NPC1: variants seen among roughly 807,000 people sequenced by gnomAD.
NPC1 encodes the protein NPC intracellular cholesterol transporter 1, also known as Niemann-Pick C1 protein.
NPC1 carries 85 observed loss-of-function variants against 140.4 expected under a neutral mutation model. The ratio of observed to expected loss-of-function variants is 0.61; its 90% CI spans 0.51 to 0.72. The LOEUF (loss-of-function observed/expected upper bound fraction) is 0.72, where lower values mean the gene tolerates loss of function less well. Among genes scored for constraint, NPC1 ranks in the 30% least tolerant of loss-of-function variants. NPC1 has a pLI of 0.00. For synonymous variants in NPC1, 656 were observed against 624.8 expected (o/e 1.05, Z -0.74); for missense variants, 1,504 against 1,623.8 (o/e 0.93, Z 1.27).
intron 1 of NPC1, chr18:23,524,053 G>T: frequency 7.1e-7 from 1 of 1,412,392 alleles, no homozygotes; most frequent in South Asian, 1.2e-5. Flanking sequence ...AAAAAGTATT[G>T]ACTTTTGTGT....
Position 23,556,571 on chromosome 18 carries a change from C to T in NPC1, c.998G>A (p.Gly333Asp), listed in dbSNP as rs2058955343. 1.9e-6 allele frequency: 3 copies of T among 1,614,082 alleles called. No individual in the cohort carries two copies. Among genetic ancestry groups the T allele is most frequent in the Non-Finnish European group, 1.7e-6 (2 of 1,179,992 alleles). Reference sequence around the variant, plus strand: ...GCGTGTGAACAGCCGCCTCAAGCAGCCCTCAAATGCTGCGCTGACAGGGTC... The same window carrying T: ...GCGTGTGAACAGCCGCCTCAAGCAGTCCTCAAATGCTGCGCTGACAGGGTC... ...CCDPVSAAFE[G>D]CLRRLFTRWG... Residue 333 changes from glycine (G) to aspartate (D), a missense_variant, in exon 8 of 25, where the codon GGC (glycine) becomes GAC (aspartate). Coordinates refer to ENST00000269228, the MANE Select transcript of NPC1 (RefSeq NM_000271.5).
At chr18:23,529,299 G>A, downstream of NPC1, 4 of 1,606,912 alleles carry the variant, frequency 2.5e-6, no homozygotes, top group Non-Finnish European at 3.4e-6. Flanking sequence ...GGAAAAGAAG[G>A]TGGGCTGCAG....
intron 3 of NPC1, among the ~76,000 whole-genome samples, chr18:23,511,662 T>G (rs2057861746): frequency 6.6e-6 from 1 of 152,182 alleles, no homozygotes; most frequent in Non-Finnish European, 1.5e-5. Flanking sequence ...GCTTTTTTTT[T>G]TTTTGTCCAA....
intron 9 of NPC1, among the ~76,000 whole-genome samples, chr18:23,553,702 TCC>T (rs2058907752): frequency 6.6e-6 from 1 of 152,206 alleles, no homozygotes; most frequent in Non-Finnish European, 1.5e-5. Flanking sequence ...AGTAGGCCCA[TCC>T]GGCATCATGC....
intron 1 of NPC1, among the ~76,000 whole-genome samples, chr18:23,523,167 A>G (rs1253061568): frequency 1.3e-5 from 2 of 152,048 alleles, no homozygotes; most frequent in Non-Finnish European, 2.9e-5. Flanking sequence ...GCTCTTTCCT[A>G]CCTTTGGGTG....
intron 4 of NPC1, among the ~76,000 whole-genome samples, chr18:23,564,005 TGGAGATGGAG>T (rs2059084651): frequency 6.8e-6 from 1 of 147,930 alleles, no homozygotes; most frequent in Admixed American, 6.7e-5. Context: ...TTTTTTTTTT[TGGAGATGGAG>T]TCTCTGTCCC....
At chr18:23,549,597 C>T (rs1865059466) in intron 10 of NPC1, among the ~76,000 whole-genome samples, 1 of 152,126 alleles carries the variant, frequency 6.6e-6, no homozygotes, top group Admixed American at 6.5e-5. Flanking sequence ...CGAGATCACA[C>T]CACCGCACTC....
intron 19 of NPC1, 145 bp downstream of exon 19, chr18:23,539,210 T>C: frequency 1.4e-6 from 1 of 703,846 alleles, no homozygotes. Context: ...TCAGAATGAA[T>C]GACTGAGGAA....
At chr18:23,520,222 C>A (rs756110581), downstream of NPC1, 6 of 1,614,036 alleles carry the variant, frequency 3.7e-6, no homozygotes, top group Admixed American at 1.7e-5. Flanking sequence ...TATTCGATAT[C>A]AAGTTACGGG....
intron 3 of NPC1, among the ~76,000 whole-genome samples, chr18:23,512,765 TACA>T (rs1045239990): frequency 3.9e-5 from 6 of 152,108 alleles, no homozygotes; most frequent in East Asian, 1.9e-4. Context: ...TAAAAAAACA[TACA>T]ACATTTATTA....
intron 3 of NPC1, chr18:23,508,132 C>A: frequency 1.7e-6 from 2 of 1,201,572 alleles, no homozygotes; most frequent in Non-Finnish European, 2.3e-6. Flanking sequence ...TCGCAGGGAG[C>A]ACAGACTTGA....
chr18:23,536,550 C>T, intron 21 of NPC1, 123 bp downstream of exon 21: 1 of 783,556 alleles, frequency 1.3e-6, no homozygotes, highest in Non-Finnish European at 2.2e-6. Context: ...GCCCTGTGCT[C>T]AGAATGGAGC....
rs920748211 is a variant in NPC1, at chr18:23,547,920, T to C, written c.1757+86A>G. ...TAACTCAGATCTGCCATTGGTTAATTTAGAAAATGAAGTTTAAGTGCTTGC... is the reference window on the plus strand; with the variant it reads ...TAACTCAGATCTGCCATTGGTTAATCTAGAAAATGAAGTTTAAGTGCTTGC... On this transcript the variant is annotated intron_variant, in intron 11 of 24. Transcript: ENST00000269228. The C allele has an allele frequency of 1.2e-5, 10 of 850,396 alleles. No homozygotes were observed. The South Asian group carries it at 1.3e-4, about 11-fold the overall frequency. The allele number at this position is 850,396 out of a possible 1,614,324, so 52.7% of individuals were successfully genotyped here. A position where few individuals can be genotyped will look rare whatever the true frequency, so the allele number is the denominator to read the frequency against.
rs141426525 is a variant in NPC1 at position 23,545,284 on chromosome 18, C to T, written c.1758-135G>A. 57 of 696,466 alleles carry T rather than the reference C, an allele frequency of 8.2e-5. No individual in the cohort carries two copies. In the African/African-American group the frequency reaches 9.2e-4, roughly 11 times the overall value. The allele number at this position is 696,466 out of a possible 1,614,324, so 43.1% of individuals were successfully genotyped here. ...TTGAGACTGATTCTCGCTCTGTCGCCCAGGCTGAAGTGCAATGGCGCAATC... is the reference window on the plus strand; with the variant it reads ...TTGAGACTGATTCTCGCTCTGTCGCTCAGGCTGAAGTGCAATGGCGCAATC... On this transcript the variant is annotated intron_variant, in intron 11 of 24. Coordinates refer to ENST00000269228, the MANE Select transcript of NPC1 (RefSeq NM_000271.5).
At chr18:23,584,892 A>C (rs1267238587) in intron 1 of NPC1, among the ~76,000 whole-genome samples, 1 of 152,072 alleles carries the variant, frequency 6.6e-6, no homozygotes, top group Non-Finnish European at 1.5e-5. Flanking sequence ...CCTGATCTAA[A>C]ACTCTAGGAG....
chr18:23,561,510 G>A lies in NPC1; in HGVS notation c.481C>T (p.Arg161Trp), dbSNP rs141243713. The stretch of plus-strand genomic sequence containing the variant: ...TTACTTGAGGGGGCCTCCACATCCC[G>A]GCAGGCATTGTACATTGCTAGAAGA... ...SFANAMYNACRDVEAPSSNDK... is the reference protein window; with the variant it reads ...SFANAMYNACWDVEAPSSNDK... Residue 161 changes from arginine (R) to tryptophan (W), a missense_variant, in exon 5 of 25, where the codon CGG becomes TGG. By Grantham distance (101) the Arg-to-Trp change is moderately radical. Coordinates refer to ENST00000269228, the MANE Select transcript of NPC1 (RefSeq NM_000271.5). 40 of 1,613,934 alleles carry A rather than the reference G, an allele frequency of 2.5e-5. No individual in the cohort carries two copies. The highest frequency in any genetic ancestry group is 5.3e-5 in the African/African-American group (4 of 74,880).
At chr18:23,532,712 T>TTTC (rs1555631353) in intron 24 of NPC1, among the ~76,000 whole-genome samples, 1 of 151,264 alleles carries the variant, frequency 6.6e-6, no homozygotes, top group African/African-American at 2.4e-5. Context: ...TTTTTTTTTT[T>TTTC]CTTAAAAGGA....
intron 8 of NPC1, among the ~76,000 whole-genome samples, chr18:23,555,207 G>A (rs1445787555): frequency 6.6e-6 from 1 of 152,252 alleles, no homozygotes; most frequent in Non-Finnish European, 1.5e-5. Flanking sequence ...GAGGCGGCGA[G>A]GGGTAGGGGG....
chr18:23,563,267 T>C (rs2145493726), intron 4 of NPC1, among the ~76,000 whole-genome samples: 1 of 152,394 alleles, frequency 6.6e-6, no homozygotes, highest in East Asian at 1.9e-4. Context: ...TTTATCCATA[T>C]ATCAGGTGAT....
Sources: allele counts gnomAD v4.1 joint callset (sites outside exome capture counted in the v4.1 genomes callset), GRCh38; gene constraint gnomAD v4.1.1; transcripts MANE v1.5; gene names NCBI Gene and HGNC (gene_info 2026-07-23, HGNC 2026-07-21).